The following PKD1L3 variants were observed in gnomAD, a reference collection of about 807,000 sequenced individuals.
The protein encoded by PKD1L3 is polycystin 1 like 3, transient receptor potential channel interacting.
In PKD1L3, 239 loss-of-function variants were observed where a neutral mutation model predicts 184.1. The observed-to-expected ratio is 1.30, with a 90% CI of 1.17 to 1.45. The LOEUF (loss-of-function observed/expected upper bound fraction) is 1.45, where lower values mean the gene tolerates loss of function less well. Ranked by LOEUF, PKD1L3 falls within the 40% of genes most tolerant of loss-of-function variation. The pLI is 0.00. For missense variants in PKD1L3, 2,660 were observed against 2,067.2 expected (o/e 1.29, Z -5.56); for synonymous variants, 996 against 778.8 (o/e 1.28, Z -4.64).
chr16:71,960,181 C>A (rs1297079584), intron 16 of PKD1L3, among the ~76,000 whole-genome samples: 19 of 148,626 alleles, frequency 1.3e-4, no homozygotes, highest in Middle Eastern at 3.2e-3. Context: ...AAAAAAAAAC[C>A]AAAAAAAACT....
intron 15 of PKD1L3, among the ~76,000 whole-genome samples, chr16:71,966,488 T>A (rs1313837039): frequency 6.6e-6 from 1 of 151,258 alleles, no homozygotes. Flanking sequence ...TGTGCAGTGG[T>A]GCAGACATGC....
chr16:71,988,270 C>T (rs1239552961), intron 4 of PKD1L3, among the ~76,000 whole-genome samples: 1 of 152,168 alleles, frequency 6.6e-6, no homozygotes, highest in African/African-American at 2.4e-5. Flanking sequence ...TCTTGGCTCA[C>T]CGCAACCTCC....
Position 71,977,284 on chromosome 16 carries a change from G to A in PKD1L3, c.1711C>T (p.His571Tyr). ...GGAAGGGTGATGTTCAGGTGGAAGT[G>A]AGTGCAGTTAGGCTGATACTGGAAC... Reference protein sequence around the residue: ...LGFQYQPNCTHFHLNITLPKD... With the variant: ...LGFQYQPNCTYFHLNITLPKD... The change falls in exon 11 of 30, where the codon CAC becomes TAC. Residue 571 changes from histidine to tyrosine, a missense_variant. Coordinates refer to ENST00000620267, the MANE Select transcript of PKD1L3 (RefSeq NM_181536.2). 1 of 1,539,950 alleles carries A rather than the reference G, an allele frequency of 6.5e-7. No homozygotes were observed. Among genetic ancestry groups the A allele is most frequent in the Non-Finnish European group, 8.8e-7 (1 of 1,136,394 alleles).
intron 6 of PKD1L3, among the ~76,000 whole-genome samples, chr16:71,983,460 C>T (rs2040236313): frequency 6.6e-6 from 1 of 152,036 alleles, no homozygotes; most frequent in African/African-American, 2.4e-5. Context: ...TGCCGACAGA[C>T]TTCTAACAAA....
chr16:71,944,223 C>T, intron 22 of PKD1L3, 53 bp from the exon 23 acceptor site: 1 of 1,470,126 alleles, frequency 6.8e-7, no homozygotes, highest in Non-Finnish European at 9.3e-7. Flanking sequence ...ATTAAGCAGT[C>T]ACTCACCATT....
At chr16:71,956,184 A>ATTT (rs35268514) in intron 16 of PKD1L3, among the ~76,000 whole-genome samples, 2,196 of 82,478 alleles carry the variant, frequency 0.027, 76 homozygotes, top group African/African-American at 0.054. Context: ...AAAGGAAGGA[A>ATTT]TTTTTTTTTT....
At chr16:71,985,911 G>C (rs1360475217) in intron 5 of PKD1L3, among the ~76,000 whole-genome samples, 14 of 152,166 alleles carry the variant, frequency 9.2e-5, no homozygotes, top group Non-Finnish European at 1.5e-5. Flanking sequence ...CGGAGAGAGG[G>C]GACAGTGAGT....
intron 15 of PKD1L3, among the ~76,000 whole-genome samples, chr16:71,963,652 T>C (rs908591622): frequency 2.0e-5 from 3 of 152,106 alleles, no homozygotes; most frequent in Non-Finnish European, 4.4e-5. Flanking sequence ...CGTGGTGGTG[T>C]GCACCTGTAG....
rs1240671579 is a variant in PKD1L3, at chr16:71,973,357, G to A, written c.1920C>T (p.Ile640=). The A allele has an allele frequency of 1.4e-5, 22 of 1,551,538 alleles. No individual in the cohort carries two copies. The highest frequency in any genetic ancestry group is 1.7e-5 in the Non-Finnish European group (20 of 1,147,000). The change falls in exon 12 of 30, where the codon ATC becomes ATT. Residue 640 remains isoleucine, a synonymous_variant. Coordinates refer to ENST00000620267, the MANE Select transcript of PKD1L3 (RefSeq NM_181536.2). Reference sequence around the variant, plus strand: ...CGGCGCTGCTCCATGTCTGGTTGTGGATCTCCCAGTAGTAACACTGAGTGA... The same window carrying A: ...CGGCGCTGCTCCATGTCTGGTTGTGAATCTCCCAGTAGTAACACTGAGTGA... The part of the protein sequence containing the change: ...TAVTQCYYWE[I]HNQTWSSAGC...
At chr16:71,962,092 T>C (rs2039302290) in intron 16 of PKD1L3, among the ~76,000 whole-genome samples, 1 of 138,468 alleles carries the variant, frequency 7.2e-6, no homozygotes, top group Non-Finnish European at 1.6e-5. Context: ...GTCTGGCTAA[T>C]TTTTGTACTT....
intron 13 of PKD1L3, 119 bp from the exon 14 acceptor site, chr16:71,968,126 C>G: frequency 2.6e-6 from 2 of 761,766 alleles, no homozygotes; most frequent in Non-Finnish European, 4.2e-6. Context: ...CTGCAGAAAG[C>G]AGGGCTGAGG....
intron 10 of PKD1L3, 91 bp from the exon 11 acceptor site, chr16:71,977,558 CTCT>C (rs1567536653): frequency 1.6e-6 from 1 of 628,056 alleles, no homozygotes; most frequent in Non-Finnish European, 2.5e-6. Context: ...AACGTCCTAG[CTCT>C]TTTTTTTTTT....
intron 19 of PKD1L3, among the ~76,000 whole-genome samples, chr16:71,950,644 A>G (rs1479212333): frequency 5.9e-5 from 9 of 152,190 alleles, no homozygotes; most frequent in Non-Finnish European, 8.8e-5. Flanking sequence ...TCATCATCTC[A>G]TAAAAGAAAA....
At chr16:71,967,399 T>G in intron 14 of PKD1L3, 84 bp from the exon 15 acceptor site, 1 of 1,296,060 alleles carries the variant, frequency 7.7e-7, no homozygotes, top group South Asian at 1.5e-5. Flanking sequence ...GACGAAGACA[T>G]AGAAAACTAT....
intron 6 of PKD1L3, 146 bp from the exon 7 acceptor site, chr16:71,982,381 G>A (rs1021009337): frequency 1.5e-6 from 1 of 647,596 alleles, no homozygotes; most frequent in East Asian, 3.3e-5. Context: ...TGCCTCCCGG[G>A]TTCAAGCAAT....
chr16:71,951,248 T>C (rs551558725), intron 19 of PKD1L3, among the ~76,000 whole-genome samples: 18 of 151,452 alleles, frequency 1.2e-4, no homozygotes, highest in Admixed American at 8.5e-4. Context: ...CCATGTTGGC[T>C]AGGCTGGCCC....
intron 28 of PKD1L3, among the ~76,000 whole-genome samples, chr16:71,932,779 CCTTTTT>C (rs1438191317): frequency 1.7e-5 from 2 of 119,322 alleles, no homozygotes; most frequent in Non-Finnish European, 3.4e-5. Flanking sequence ...CCGCACCTGG[CCTTTTT>C]TTTTTTTTTT....
intron 16 of PKD1L3, among the ~76,000 whole-genome samples, chr16:71,961,809 T>A (rs947742011): frequency 5.9e-5 from 9 of 152,166 alleles, no homozygotes; most frequent in Non-Finnish European, 1.3e-4. Flanking sequence ...TTGGGAGTAA[T>A]TTCTTATATG....
intron 11 of PKD1L3, 79 bp downstream of exon 11, chr16:71,977,157 C>G: frequency 8.9e-7 from 1 of 1,123,410 alleles, no homozygotes; most frequent in Admixed American, 2.0e-5. Context: ...AGGCTGCAGT[C>G]AACAATGATG....
Sources: gnomAD v4.1 joint callset for allele counts (sites outside exome capture counted in the v4.1 genomes callset) on GRCh38, gnomAD v4.1.1 for gene constraint, MANE v1.5 for transcripts, NCBI Gene and HGNC (gene_info 2026-07-23, HGNC 2026-07-21) for gene names.